The following LMCD1 variants were observed in gnomAD, a reference collection of about 807,000 sequenced individuals.
LMCD1 encodes the protein LIM and cysteine-rich domains protein 1.
Under a neutral mutation model 42.7 loss-of-function variants are expected in LMCD1, and 32 were observed. The observed-to-expected ratio is 0.75, with a 90% CI of 0.57 to 1.01. The LOEUF is 1.01. Ranked by LOEUF, LMCD1 falls within the 50% of genes least tolerant of loss-of-function variation. The probability of loss-of-function intolerance (pLI) is 0.00; values close to 1 mark genes in which losing one functional copy is unlikely to be tolerated. For synonymous variants in LMCD1, 178 were observed against 184.9 expected (o/e 0.96, Z 0.30); for missense variants, 458 against 483.1 (o/e 0.95, Z 0.49).
At chr3:8,513,374 C>T (rs2125012367) in intron 1 of LMCD1, among the ~76,000 whole-genome samples, 1 of 152,262 alleles carries the variant, frequency 6.6e-6, no homozygotes, top group Admixed American at 6.5e-5. Flanking sequence ...TGTGCCAGCT[C>T]CTCCACCTGG....
chr3:8,538,835 G>T (rs1404641409), intron 3 of LMCD1, among the ~76,000 whole-genome samples: 1 of 152,188 alleles, frequency 6.6e-6, no homozygotes, highest in Non-Finnish European at 1.5e-5. Context: ...CTGCACCCAG[G>T]ACGGTGCAGG....
intron 2 of LMCD1, among the ~76,000 whole-genome samples, 188 bp downstream of exon 2, chr3:8,533,013 C>A (rs767874316): frequency 3.9e-5 from 6 of 151,976 alleles, no homozygotes; most frequent in Non-Finnish European, 8.8e-5. Flanking sequence ...GGGAGTGTGG[C>A]GGGGGCAGTA....
At chr3:8,534,183 A>G (rs952845045) in intron 2 of LMCD1, among the ~76,000 whole-genome samples, 2 of 151,778 alleles carry the variant, frequency 1.3e-5, no homozygotes, top group Admixed American at 6.6e-5. Context: ...TTCTTGAGCC[A>G]GGGGAAAATG....
At chr3:8,529,229 G>A (rs538131840) in intron 1 of LMCD1, among the ~76,000 whole-genome samples, 6 of 152,298 alleles carry the variant, frequency 3.9e-5, no homozygotes, top group African/African-American at 1.2e-4. Flanking sequence ...GGTCTGTCTG[G>A]CTTCTGGATG....
chr3:8,562,562 G>A (rs1695058813), intron 4 of LMCD1, among the ~76,000 whole-genome samples: 1 of 152,128 alleles, frequency 6.6e-6, no homozygotes, highest in Non-Finnish European at 1.5e-5. Context: ...TGCATTTCCT[G>A]TGTACCTACA....
At chr3:8,534,179 A>G (rs1411696216) in intron 2 of LMCD1, among the ~76,000 whole-genome samples, 1 of 151,740 alleles carries the variant, frequency 6.6e-6, no homozygotes, top group Non-Finnish European at 1.5e-5. Context: ...ATATTTCTTG[A>G]GCCAGGGGAA....
chr3:8,538,204 C>T (rs991768052), intron 3 of LMCD1, among the ~76,000 whole-genome samples: 5 of 152,156 alleles, frequency 3.3e-5, no homozygotes, highest in African/African-American at 7.2e-5. Flanking sequence ...GATCAGGGCT[C>T]CTACAATCTC....
rs750401105 is a variant in LMCD1, at chr3:8,501,896, T to C, written c.-43T>C. 6.4e-7 allele frequency: 1 copy of C among 1,571,248 alleles called. No individual in the cohort carries two copies. Among genetic ancestry groups the C allele is most frequent in the South Asian group, 1.2e-5 (1 of 86,360 alleles). On this transcript the variant is annotated 5_prime_UTR_variant, in exon 1 of 6. Transcript: ENST00000157600. The stretch of plus-strand genomic sequence containing the variant: ...TGTCCCCGCTGCGCGCCCTCGCGCC[T>C]CTGCCTGAGAAGCCAGGCGCTGTTC...
chr3:8,545,696 T>C (rs1181629238), intron 3 of LMCD1, among the ~76,000 whole-genome samples: 1 of 152,224 alleles, frequency 6.6e-6, no homozygotes, highest in Non-Finnish European at 1.5e-5. Flanking sequence ...AGATCTTGAC[T>C]GGGGCTTGGT....
At chr3:8,558,247 C>T (rs541278328) in intron 4 of LMCD1, among the ~76,000 whole-genome samples, 11 of 152,288 alleles carry the variant, frequency 7.2e-5, no homozygotes, top group South Asian at 2.1e-4. Context: ...ACTTAAACAC[C>T]CATGGCTGAG....
chr3:8,561,031 A>T (rs897131975), intron 4 of LMCD1, among the ~76,000 whole-genome samples: 2 of 152,198 alleles, frequency 1.3e-5, no homozygotes, highest in Non-Finnish European at 2.9e-5. Flanking sequence ...CACCATTTTA[A>T]TGTTTATTTC....
chr3:8,530,440 A>G (rs1333347357), intron 1 of LMCD1, among the ~76,000 whole-genome samples: 1 of 152,150 alleles, frequency 6.6e-6, no homozygotes, highest in African/African-American at 2.4e-5. Context: ...TTCTAAATCA[A>G]ACCCCGAGTT....
At position 8,567,500 on chromosome 3, in the gene LMCD1, G is replaced by A. The variant is rs77596756; in HGVS notation, c.1000G>A (p.Val334Ile). 6.8e-4 allele frequency: 1,094 copies of A among 1,614,008 alleles called. 9 individuals are homozygous for A. The African/African-American group carries it at 0.013, about 19-fold the overall frequency. ...TCTGGCCTGGCACCGAAAGCACTTT[G>A]TCTGTGAGGGTTGTGAGCAGCTGCT... ...EDLAWHRKHFVCEGCEQLLSG... is the reference protein window; with the variant it reads ...EDLAWHRKHFICEGCEQLLSG... Residue 334 changes from valine to isoleucine, a missense_variant, in exon 6 of 6, where the codon GTC becomes ATC. Transcript: ENST00000157600.
At chr3:8,555,164 C>T (rs143727185) in intron 4 of LMCD1, among the ~76,000 whole-genome samples, 2,232 of 152,144 alleles carry the variant, frequency 0.015, 23 homozygotes, top group Non-Finnish European at 0.023. Context: ...GAGAGGGGGA[C>T]GGGAGGCCTC....
At chr3:8,511,224 A>G (rs1406774930) in intron 1 of LMCD1, among the ~76,000 whole-genome samples, 1 of 152,262 alleles carries the variant, frequency 6.6e-6, no homozygotes, top group Non-Finnish European at 1.5e-5. Flanking sequence ...CTCACCATTA[A>G]AAGACCTAAT....
rs112512262 is a variant in LMCD1, at chr3:8,563,970, G to A, written c.724-1462G>A. Among the ~76,000 whole-genome samples, 8 of 152,270 alleles carry A rather than the reference G, an allele frequency of 5.3e-5. 1 individual carries two copies. The highest frequency in any genetic ancestry group is 1.9e-4 in the African/African-American group (8 of 41,552). ...ACCAGTACTCCTCAAAACTGTCATG[G>A]TGGCCAAAAACAAAGTCTGAGAAAC... On this transcript the variant is annotated intron_variant, in intron 4 of 5. Coordinates refer to ENST00000157600, the MANE Select transcript of LMCD1 (RefSeq NM_014583.4).
intron 1 of LMCD1, among the ~76,000 whole-genome samples, chr3:8,530,926 C>A (rs951272715): frequency 1.3e-5 from 2 of 152,214 alleles, no homozygotes; most frequent in Admixed American, 6.5e-5. Flanking sequence ...TCCCTCCACA[C>A]TCCACATATG....
rs1256987594 is a variant in LMCD1 at position 8,568,192 on chromosome 3, T to G, written c.*594T>G. ...CACCCAGTGCTGGCAGAAAATATAG[T>G]AAAATACTAATGAGCCTCTCTATCA... On this transcript the variant is annotated 3_prime_UTR_variant, in exon 6 of 6. Transcript: ENST00000157600. 2 of 152,238 alleles carry G rather than the reference T, an allele frequency of 1.3e-5. No homozygotes were observed. Among genetic ancestry groups the G allele is most frequent in the African/African-American group, 2.4e-5 (1 of 41,446 alleles). The allele number at this position is 152,238 out of a possible 1,614,324, so 9.4% of individuals were successfully genotyped here.
chr3:8,550,794 A>G, intron 4 of LMCD1: 1 of 985,316 alleles, frequency 1.0e-6, no homozygotes, highest in Non-Finnish European at 1.2e-6. Flanking sequence ...ATAAACCCTA[A>G]ATACTAGATA....
Sources: allele counts gnomAD v4.1 joint callset (sites outside exome capture counted in the v4.1 genomes callset), GRCh38; gene constraint gnomAD v4.1.1; transcripts MANE v1.5; gene names NCBI Gene and HGNC (gene_info 2026-07-23, HGNC 2026-07-21).